The following SLITRK2 variants were observed in gnomAD, a reference collection of about 807,000 sequenced individuals.
SLITRK2 encodes SLIT and NTRK like family member 2, also known as SLIT and NTRK-like protein 2.
A neutral mutation model predicts 35.4 loss-of-function variants in SLITRK2; 13 were observed. That is an observed-to-expected ratio of 0.37 (90% CI 0.24 to 0.58). SLITRK2 has a LOEUF of 0.58. SLITRK2 is among the 20% of genes least tolerant of loss of function. The pLI is 0.75. For missense variants in SLITRK2, 471 were observed against 634.3 expected (o/e 0.74, Z 2.76); for synonymous variants, 294 against 264.7 (o/e 1.11, Z -1.07).
intron 1 of SLITRK2, chrX:145,818,472 G>T (rs914208193): frequency 8.8e-6 from 1 of 113,273 alleles, no homozygotes. Context: ...ACCGGCGATC[G>T]GGGACGCTCG....
At chrX:145,822,352 C>A (rs1015141109) in intron 4 of SLITRK2, 31 bp from the exon 5 acceptor site, 2 of 924,445 alleles carry the variant, frequency 2.2e-6, no homozygotes, top group African/African-American at 2.0e-5. Context: ...TTCTTCCCTG[C>A]ACCCGCTTCT....
rs2124178746 is a variant in SLITRK2, at chrX:145,823,581, T to C, written c.1156T>C (p.Tyr386His). 3 of 1,211,701 alleles carry C rather than the reference T, an allele frequency of 2.5e-6. No homozygotes were observed. The highest frequency in any genetic ancestry group is 3.4e-6 in the Non-Finnish European group (3 of 895,227). The change falls in exon 5 of 5, where the codon TAT (tyrosine) becomes CAT (histidine). Residue 386 changes from tyrosine (Y) to histidine (H), a missense_variant. By Grantham distance (83) the Tyr-to-His change is moderately conservative. Coordinates refer to ENST00000335565, the MANE Select transcript of SLITRK2 (RefSeq NM_032539.5). ...SPKKLYLTGN[Y>H]LQTVYKNDLL... ...AAAGAAACTCTACCTAACAGGGAAC[T>C]ATCTTCAAACTGTCTATAAGAATGA...
At position 145,822,435 on chromosome X, in the gene SLITRK2, G is replaced by T. The variant is rs149353052; in HGVS notation, c.10G>T (p.Gly4Cys). The T allele has an allele frequency of 4.3e-5, 52 of 1,203,253 alleles. No individual in the cohort carries two copies. In the Admixed American group the frequency reaches 6.0e-4, roughly 14 times the overall value. Residue 4 changes from glycine to cysteine, a missense_variant, in exon 5 of 5, where the codon GGC becomes TGC. Coordinates refer to ENST00000335565, the MANE Select transcript of SLITRK2 (RefSeq NM_032539.5). ...CCGAAGGTGCCTAAAGATGCTGAGC[G>T]GCGTTTGGTTCCTCAGTGTGTTAAC... MLS[G>C]VWFLSVLTVA...
At position 145,823,983 on chromosome X, in the gene SLITRK2, G is replaced by T. The variant is rs2124189322; in HGVS notation, c.1558G>T (p.Ala520Ser). 1 of 1,210,479 alleles carries T rather than the reference G, an allele frequency of 8.3e-7. No homozygotes were observed. The highest frequency in any genetic ancestry group is 1.1e-6 in the Non-Finnish European group (1 of 895,104). The change falls in exon 5 of 5, where the codon GCT (alanine) becomes TCT (serine). Residue 520 changes from alanine (A) to serine (S), a missense_variant. By Grantham distance (99) the Ala-to-Ser change is moderately conservative. Around this residue, in one of 7 missense-constraint regions of SLITRK2, gnomAD observed 92 missense variants for 184.2 expected, o/e 0.50. Coordinates refer to ENST00000335565, the MANE Select transcript of SLITRK2 (RefSeq NM_032539.5). ...GAAAGGGGTTCTGGATCAGCTCCCG[G>T]CTTTCATCCAGATAGATCTGCAGGA... Reference protein sequence around the residue: ...PVKGVLDQLPAFIQIDLQENP... With the variant: ...PVKGVLDQLPSFIQIDLQENP...
chrX:145,822,465 G>C lies in SLITRK2; in HGVS notation c.40G>C (p.Ala14Pro), dbSNP rs1556943693. 1 of 1,210,642 alleles carries C rather than the reference G, an allele frequency of 8.3e-7. No homozygotes were observed. The highest frequency in any genetic ancestry group is 1.1e-6 in the Non-Finnish European group (1 of 894,972). ...GVWFLSVLTV[A>P]GILQTESRKT... ...TTGGTTCCTCAGTGTGTTAACCGTGGCCGGGATCTTACAGACAGAGAGTCG... is the reference window on the plus strand; with the variant it reads ...TTGGTTCCTCAGTGTGTTAACCGTGCCCGGGATCTTACAGACAGAGAGTCG... Residue 14 changes from alanine (A) to proline (P), a missense_variant, in exon 5 of 5, where the codon GCC becomes CCC. Physicochemically the swap from Ala to Pro is conservative, Grantham distance 27. This residue lies in a region of SLITRK2 where 98 missense variants were observed against 120.6 expected (regional missense o/e 0.81). Coordinates refer to ENST00000335565, the MANE Select transcript of SLITRK2 (RefSeq NM_032539.5).
rs1556945400 is a variant in SLITRK2, at chrX:145,824,944, C to T, written c.2519C>T (p.Thr840Ile). Reference protein sequence around the residue: ...PDYLEVLEKQTAISQL With the variant: ...PDYLEVLEKQIAISQL Reference sequence around the variant, plus strand: ...TACCTCGAAGTTCTGGAAAAACAAACTGCAATCAGTCAGCTGTGAAGGGAA... The same window carrying T: ...TACCTCGAAGTTCTGGAAAAACAAATTGCAATCAGTCAGCTGTGAAGGGAA... The change falls in exon 5 of 5, where the codon ACT becomes ATT. Residue 840 changes from threonine to isoleucine, a missense_variant. Transcript: ENST00000335565. The T allele has an allele frequency of 8.3e-7, 1 of 1,208,948 alleles. No individual in the cohort carries two copies. The highest frequency in any genetic ancestry group is 2.2e-5 in the Admixed American group (1 of 45,701).
At position 145,823,346 on chromosome X, in the gene SLITRK2, G is replaced by A. The variant is rs1569506622; in HGVS notation, c.921G>A (p.Met307Ile). The change falls in exon 5 of 5, where the codon ATG becomes ATA. Residue 307 changes from methionine (M) to isoleucine (I), a missense_variant. Transcript: ENST00000335565. ...RAPKASRPPK[M>I]RNRPTPRVTV... ...CGAAAGCCAGCCGGCCGCCCAAAAT[G>A]AGAAATCGTCCAACTCCTCGAGTGA... is the stretch of plus-strand genomic sequence containing the variant. 8.3e-7 allele frequency: 1 copy of A among 1,211,450 alleles called. No individual in the cohort carries two copies. The highest frequency in any genetic ancestry group is 1.1e-6 in the Non-Finnish European group (1 of 895,373).
rs1556943642 is a variant in SLITRK2 at position 145,822,432 on chromosome X, A to AGCG, written c.11_13dup (p.Gly4dup). 3.5e-5 allele frequency: 42 copies of AGCG among 1,204,199 alleles called. No homozygotes were observed. The highest frequency in any genetic ancestry group is 4.6e-5 in the Non-Finnish European group (41 of 892,102). On this transcript the variant is annotated inframe_insertion, in exon 5 of 5. Coordinates refer to ENST00000335565, the MANE Select transcript of SLITRK2 (RefSeq NM_032539.5). ...ACACCGAAGGTGCCTAAAGATGCTG[A>AGCG]GCGGCGTTTGGTTCCTCAGTGTGTT...
In SLITRK2 at chrX:145,823,631, C is replaced by T. The variant is rs1556944439; in HGVS notation, c.1206C>T (p.Asp402=). ...KNDLLEYSSL[D]LLHLGNNRIA... ...ACCTCTTAGAATACAGTTCTTTGGA[C>T]TTACTGCACTTAGGAAACAACAGGA... The change falls in exon 5 of 5, where the codon GAC becomes GAT. Residue 402 remains aspartate (D), a synonymous_variant. Coordinates refer to ENST00000335565, the MANE Select transcript of SLITRK2 (RefSeq NM_032539.5). 4 of 1,211,365 alleles carry T rather than the reference C, an allele frequency of 3.3e-6. No individual in the cohort carries two copies. The East Asian group carries it at 8.9e-5, about 27-fold the overall frequency.
chrX:145,828,716 A>C lies in SLITRK2; in HGVS notation c.*3753A>C, dbSNP rs186814671. The stretch of plus-strand genomic sequence containing the variant: ...TGCAATGCAGGAAGTTAAGTTTTTA[A>C]AGGTGATTCTGTGCAGTAAGGTATA... On this transcript the variant is annotated 3_prime_UTR_variant, in exon 5 of 5. Transcript: ENST00000335565. 1.6e-5 allele frequency: 2 copies of C among 123,299 alleles called. No individual in the cohort carries two copies. Among genetic ancestry groups the C allele is most frequent in the East Asian group, 5.6e-4 (2 of 3,568 alleles). The allele number at this position is 123,299 out of a possible 1,213,427, so 10.2% of individuals were successfully genotyped here.
chrX:145,821,984 CT>C lies in SLITRK2; in HGVS notation c.-192-8del, dbSNP rs59008836. 6.8e-3 allele frequency: 701 copies of C among 103,121 alleles called. 3 individuals carry two copies. Among genetic ancestry groups the C allele is most frequent in the African/African-American group, 0.014 (382 of 27,156 alleles). 8.5% of individuals were successfully genotyped at this position (103,121 alleles called of 1,213,427 possible). On this transcript the variant is annotated intron_variant, in intron 3 of 4. Transcript: ENST00000335565. Reference sequence around the variant, plus strand: ...CTGATTTTCCCACCCCCTTTTTGCGCTTTTTTTTTTTTTCCTAAAGCGATTG... The same window carrying C: ...CTGATTTTCCCACCCCCTTTTTGCGCTTTTTTTTTTTTCCTAAAGCGATTG...
rs1556944739 is a variant in SLITRK2 at position 145,824,201 on chromosome X, G to C, written c.1776G>C (p.Met592Ile). Residue 592 changes from methionine (M) to isoleucine (I), a missense_variant, in exon 5 of 5, where the codon ATG becomes ATC. Physicochemically the swap from Met to Ile is conservative, Grantham distance 10. This residue lies in a region of SLITRK2 where 190 missense variants were observed against 199.3 expected (regional missense o/e 0.95). Transcript: ENST00000335565. ...PNLSDGTVLS[M>I]NHNTDTPRSL... is the part of the protein sequence containing the mutation. The stretch of plus-strand genomic sequence containing the variant: ...TGTCAGATGGAACCGTCTTGTCAAT[G>C]AATCACAATACAGACACACCTCGGT... 1 of 1,210,655 alleles carries C rather than the reference G, an allele frequency of 8.3e-7. No individual in the cohort carries two copies. The highest frequency in any genetic ancestry group is 1.8e-5 in the South Asian group (1 of 56,728).
In SLITRK2 at chrX:145,827,395, G is replaced by C. The variant is rs986390577; in HGVS notation, c.*2432G>C. ...TTTTCAGGCTTAAATTATATGACTA[G>C]AGGCTCTTGATGCAGTGATTCCACT... is the stretch of plus-strand genomic sequence containing the variant. On this transcript the variant is annotated 3_prime_UTR_variant, in exon 5 of 5. Transcript: ENST00000335565. The C allele has an allele frequency of 5.3e-6, 1 of 187,424 alleles. No homozygotes were observed. The highest frequency in any genetic ancestry group is 9.6e-6 in the Non-Finnish European group (1 of 103,867). The allele number at this position is 187,424 out of a possible 1,213,427, so 15.4% of individuals were successfully genotyped here. A position where few individuals can be genotyped will look rare whatever the true frequency, so the allele number is the denominator to read the frequency against.
intron 2 of SLITRK2, chrX:145,821,125 TCACA>T (rs1217882056): frequency 0.018 from 1,367 of 76,960 alleles, 8 homozygotes; most frequent in African/African-American, 0.023. Flanking sequence ...TCTCTCTCAC[TCACA>T]CACACACACA....
Position 145,828,245 on chromosome X carries a change from C to T in SLITRK2, c.*3282C>T. ...CCTTCAATTTCCTCTTCTTTTTCCT[C>T]TGACCTCTGTGACTTAATTTTTCTT... On this transcript the variant is annotated 3_prime_UTR_variant, in exon 5 of 5. Coordinates refer to ENST00000335565, the MANE Select transcript of SLITRK2 (RefSeq NM_032539.5). 2 of 312,520 alleles carry T rather than the reference C, an allele frequency of 6.4e-6. No individual in the cohort carries two copies. Among genetic ancestry groups the T allele is most frequent in the East Asian group, 4.9e-5 (1 of 20,365 alleles). The allele number at this position is 312,520 out of a possible 1,213,427, so 25.8% of individuals were successfully genotyped here.
rs1603132969 is a variant in SLITRK2, at chrX:145,822,019, G to T, written c.-178G>T. On this transcript the variant is annotated 5_prime_UTR_variant, in exon 4 of 5. Coordinates refer to ENST00000335565, the MANE Select transcript of SLITRK2 (RefSeq NM_032539.5). The stretch of plus-strand genomic sequence containing the variant: ...TTTTCCTAAAGCGATTGCGATTTCT[G>T]CTGGGAGCTCAAGACGGGCGAGCTG... 1.6e-5 allele frequency: 2 copies of T among 122,807 alleles called. No individual in the cohort carries two copies. Among genetic ancestry groups the T allele is most frequent in the East Asian group, 4.6e-4 (2 of 4,371 alleles). The allele number at this position is 122,807 out of a possible 1,213,427, so 10.1% of individuals were successfully genotyped here. A position where few individuals can be genotyped will look rare whatever the true frequency, so the allele number is the denominator to read the frequency against.
chrX:145,822,211 G>C (rs2073032630), intron 4 of SLITRK2, 58 bp downstream of exon 4: 1 of 402,167 alleles, frequency 2.5e-6, no homozygotes, highest in Non-Finnish European at 4.3e-6. Context: ...TGGGGGAATA[G>C]GGAGCGGAGA....
rs1387878647 is a variant in SLITRK2, at chrX:145,826,552, G to A, written c.*1589G>A. 1 of 111,995 alleles carries A rather than the reference G, an allele frequency of 8.9e-6. No homozygotes were observed. The highest frequency in any genetic ancestry group is 3.2e-5 in the African/African-American group (1 of 30,861). 9.2% of individuals were successfully genotyped at this position (111,995 alleles called of 1,213,427 possible). A position where few individuals can be genotyped will look rare whatever the true frequency, so the allele number is the denominator to read the frequency against. On this transcript the variant is annotated 3_prime_UTR_variant, in exon 5 of 5. Transcript: ENST00000335565. ...TATTAGACTGTAAATAATTTTAGATGCAAACGTGATTGTGTGATTTAAACA... is the reference window on the plus strand; with the variant it reads ...TATTAGACTGTAAATAATTTTAGATACAAACGTGATTGTGTGATTTAAACA...
chrX:145,826,232 T>A lies in SLITRK2; in HGVS notation c.*1269T>A, dbSNP rs909795125. ...AATGTATCCATTACTCTATTTATTT[T>A]AGATCACGGGTTAGACTCATAATCC... On this transcript the variant is annotated 3_prime_UTR_variant, in exon 5 of 5. Coordinates refer to ENST00000335565, the MANE Select transcript of SLITRK2 (RefSeq NM_032539.5). 8.9e-6 allele frequency: 1 copy of A among 111,794 alleles called. No homozygotes were observed. Among genetic ancestry groups the A allele is most frequent in the Non-Finnish European group, 1.9e-5 (1 of 53,153 alleles). The allele number at this position is 111,794 out of a possible 1,213,427, so 9.2% of individuals were successfully genotyped here. A position where few individuals can be genotyped will look rare whatever the true frequency, so the allele number is the denominator to read the frequency against.
Sources: allele counts gnomAD v4.1 joint callset, GRCh38; gene constraint gnomAD v4.1.1; regional missense constraint gnomAD v4.1.1; transcripts MANE v1.5; gene names NCBI Gene and HGNC (gene_info 2026-07-23, HGNC 2026-07-21).